The following LETM2 variants were observed in gnomAD, a reference collection of about 807,000 sequenced individuals.
LETM2 encodes the protein LETM1 domain-containing protein LETM2, mitochondrial.
Under a neutral mutation model 59.6 loss-of-function variants are expected in LETM2, and 58 were observed. That is an observed-to-expected ratio of 0.97 (90% CI 0.79 to 1.21). LETM2 has a LOEUF of 1.21. Ranked by LOEUF, LETM2 falls within the 50% of genes most tolerant of loss-of-function variation. The pLI, the probability that LETM2 is intolerant of heterozygous loss-of-function variation, is 0.00. For missense variants in LETM2, 572 were observed against 575.7 expected (o/e 0.99, Z 0.07); for synonymous variants, 199 against 214.1 (o/e 0.93, Z 0.62).
intron 2 of LETM2, among the ~76,000 whole-genome samples, chr8:38,390,254 A>T (rs1454803809): frequency 1.3e-5 from 2 of 151,926 alleles, no homozygotes; most frequent in Non-Finnish European, 2.9e-5. Flanking sequence ...AGGCCGAGGT[A>T]GGAAGATTGC....
chr8:38,391,300 GT>G (rs761566202), intron 2 of LETM2, among the ~76,000 whole-genome samples: 1,380 of 109,166 alleles, frequency 0.013, 4 homozygotes, highest in African/African-American at 0.017. Context: ...TTTTATTTTA[GT>G]TTTTTTTTTT....
chr8:38,404,620 T>C lies in LETM2; in HGVS notation c.1218+114T>C, dbSNP rs1813559770. On this transcript the variant is annotated intron_variant, in intron 8 of 10. Coordinates refer to ENST00000379957, the MANE Select transcript of LETM2 (RefSeq NM_001286819.2). ...GCATTTCTTTTGGCCTTTTAGAATT[T>C]GACCCAACTGGCTTTATGTGTTTTA... 4.3e-6 allele frequency: 3 copies of C among 693,752 alleles called. No homozygotes were observed. In the South Asian group the frequency reaches 5.1e-5, roughly 12 times the overall value. The allele number at this position is 693,752 out of a possible 1,614,324, so 43.0% of individuals were successfully genotyped here.
chr8:38,384,507 T>C (rs1292921255), upstream of LETM2, among the ~76,000 whole-genome samples: 1 of 152,196 alleles, frequency 6.6e-6, no homozygotes, highest in African/African-American at 2.4e-5. Flanking sequence ...AACAAGGAGC[T>C]CATTAAGACA....
chr8:38,390,122 G>A (rs1415447139), intron 2 of LETM2, among the ~76,000 whole-genome samples: 1 of 151,936 alleles, frequency 6.6e-6, no homozygotes, highest in African/African-American at 2.4e-5. Context: ...TCAGGATGCT[G>A]AGCCTGGGAG....
upstream of LETM2, among the ~76,000 whole-genome samples, chr8:38,383,916 A>C (rs1045669735): frequency 6.8e-6 from 1 of 147,364 alleles, no homozygotes; most frequent in African/African-American, 2.5e-5. Flanking sequence ...GGCGACACAG[A>C]GAGGCTATGT....
At chr8:38,403,149 A>G (rs992590562) in intron 7 of LETM2, among the ~76,000 whole-genome samples, 4 of 151,722 alleles carry the variant, frequency 2.6e-5, no homozygotes, top group Admixed American at 6.6e-5. Flanking sequence ...GAAATCTCCA[A>G]TTTCCCCCGT....
chr8:38,390,546 C>G (rs1231410357), intron 2 of LETM2, among the ~76,000 whole-genome samples: 3 of 141,026 alleles, frequency 2.1e-5, no homozygotes, highest in African/African-American at 8.0e-5. Flanking sequence ...CATTTGAACC[C>G]AGGAGGCGGA....
intron 10 of LETM2, 26 bp downstream of exon 10, chr8:38,407,489 GAA>G: frequency 7.0e-7 from 1 of 1,429,490 alleles, no homozygotes; most frequent in African/African-American, 1.4e-5. Flanking sequence ...AAATGAAAAA[GAA>G]AGAGAAGACC....
At position 38,404,438 on chromosome 8, in the gene LETM2, C is replaced by G. The variant is rs781441934; in HGVS notation, c.1150C>G (p.Leu384Val). The G allele has an allele frequency of 6.2e-7, 1 of 1,614,102 alleles. No homozygotes were observed. Among genetic ancestry groups the G allele is most frequent in the East Asian group, 2.2e-5 (1 of 44,868 alleles). The change falls in exon 8 of 11, where the codon CTC (leucine) becomes GTC (valine). Residue 384 changes from leucine (L) to valine (V), a missense_variant. Coordinates refer to ENST00000379957, the MANE Select transcript of LETM2 (RefSeq NM_001286819.2). Reference protein sequence around the residue: ...LKENVPPSLLLLSRTFYLIDV... With the variant: ...LKENVPPSLLVLSRTFYLIDV... ...GGAGAACGTCCCTCCTTCCCTTTTG[C>G]TCCTGTCCCGCACCTTCTACCTGAT...
Position 38,404,171 on chromosome 8 carries a change from TGA to T in LETM2, c.1105-218_1105-217del, listed in dbSNP as rs541003464. Among the ~76,000 whole-genome samples, 223 of 152,354 alleles carry T rather than the reference TGA, an allele frequency of 1.5e-3. 1 individual carries two copies. Among genetic ancestry groups the T allele is most frequent in the Non-Finnish European group, 1.2e-3 (84 of 68,034 alleles). On this transcript the variant is annotated intron_variant, in intron 7 of 10. Transcript: ENST00000379957. The stretch of plus-strand genomic sequence containing the variant: ...AGAGTTTAATTGAATTCTCCCTCTC[TGA>T]GAGTGATTCCACCATAGTGAGGGAG...
intron 10 of LETM2, chr8:38,407,907 A>G (rs1253542204): frequency 2.6e-6 from 1 of 389,574 alleles, no homozygotes; most frequent in Non-Finnish European, 4.7e-6. Context: ...GGGCATGAAG[A>G]GAGTAAACAG....
In LETM2 at chr8:38,407,351, T is replaced by C. The variant is rs1288641671; in HGVS notation, c.1312-11T>C. Reference sequence around the variant, plus strand: ...AAATCAGTAACCCAACTCTCAGTTCTGATGTTTAAGGATGAAGACTTTATA... The same window carrying C: ...AAATCAGTAACCCAACTCTCAGTTCCGATGTTTAAGGATGAAGACTTTATA... On this transcript the variant is annotated splice_polypyrimidine_tract_variant and intron_variant, in intron 9 of 10. Coordinates refer to ENST00000379957, the MANE Select transcript of LETM2 (RefSeq NM_001286819.2). The C allele has an allele frequency of 1.3e-6, 2 of 1,578,678 alleles. No homozygotes were observed. The highest frequency in any genetic ancestry group is 8.7e-7 in the Non-Finnish European group (1 of 1,148,044).
intron 2 of LETM2, among the ~76,000 whole-genome samples, chr8:38,389,627 G>C (rs535827912): frequency 6.6e-6 from 1 of 152,260 alleles, no homozygotes; most frequent in African/African-American, 2.4e-5. Context: ...ATAGTCTGAG[G>C]CTGGCTGCAG....
intron 4 of LETM2, chr8:38,397,149 A>G (rs1349785041): frequency 2.2e-5 from 10 of 456,080 alleles, no homozygotes; most frequent in South Asian, 3.1e-5. Context: ...AAGTGTGAAC[A>G]AAACATTATG....
chr8:38,384,126 C>CTT (rs375549975), upstream of LETM2, among the ~76,000 whole-genome samples: 4 of 146,236 alleles, frequency 2.7e-5, no homozygotes, highest in Non-Finnish European at 4.5e-5. Context: ...TTAAATTGGT[C>CTT]TTTTTTTTTT....
At chr8:38,397,111 T>A (rs1246083257) in intron 4 of LETM2, 1 of 455,900 alleles carries the variant, frequency 2.2e-6, no homozygotes, top group Admixed American at 2.4e-5. Flanking sequence ...GCCACTCTAC[T>A]AGACAGCGTT....
chr8:38,400,634 G>T, intron 5 of LETM2: 1 of 660,360 alleles, frequency 1.5e-6, no homozygotes, highest in Non-Finnish European at 2.5e-6. Flanking sequence ...TAACTTCTTG[G>T]AGAGAACAGT....
chr8:38,389,527 T>G (rs1812044487), intron 2 of LETM2, among the ~76,000 whole-genome samples: 1 of 151,936 alleles, frequency 6.6e-6, no homozygotes, highest in Non-Finnish European at 1.5e-5. Flanking sequence ...CACCATTTAT[T>G]TATTCACTGA....
chr8:38,406,590 T>A (rs1436117916), intron 8 of LETM2: 1 of 174,158 alleles, frequency 5.7e-6, no homozygotes, highest in Non-Finnish European at 1.2e-5. Flanking sequence ...GGTGACAGAG[T>A]GAGACTCCAT....
Sources: gnomAD v4.1 joint callset for allele counts (sites outside exome capture counted in the v4.1 genomes callset) on GRCh38, gnomAD v4.1.1 for gene constraint, MANE v1.5 for transcripts, NCBI Gene and HGNC (gene_info 2026-07-23, HGNC 2026-07-21) for gene names.